BAZ1B: variants seen among roughly 807,000 people sequenced by gnomAD.
The protein encoded by BAZ1B is bromodomain adjacent to zinc finger domain 1B, also known as tyrosine-protein kinase BAZ1B.
BAZ1B carries 22 observed loss-of-function variants against 153.8 expected under a neutral mutation model. The observed-to-expected ratio is 0.14, with a 90% CI of 0.10 to 0.20. BAZ1B has a LOEUF of 0.20. BAZ1B is among the 10% of genes least tolerant of loss of function. BAZ1B has a pLI of 1.00. For synonymous variants in BAZ1B, 676 were observed against 633.4 expected, an observed-to-expected ratio of 1.07 and a Z score of -1.01; for missense variants, 1,325 against 1,799.3, an observed-to-expected ratio of 0.74 and a Z score of 4.77.
At chr7:73,449,968 C>T (rs1787975241) in intron 14 of BAZ1B, among the ~76,000 whole-genome samples, 1 of 152,176 alleles carries the variant, frequency 6.6e-6, no homozygotes, top group African/African-American at 2.4e-5. Context: ...CACAAAAAAC[C>T]CAAGTGAGAG....
intron 4 of BAZ1B, among the ~76,000 whole-genome samples, chr7:73,498,228 G>C (rs186021589): frequency 6.6e-6 from 1 of 152,248 alleles, no homozygotes; most frequent in East Asian, 1.9e-4. Context: ...CCAAAGTGCT[G>C]GGATTACAGG....
Position 73,442,173 on chromosome 7 carries a change from TC to T in BAZ1B, c.*15+7del. 1.0e-5 allele frequency: 6 copies of T among 575,270 alleles called. No individual in the cohort carries two copies. The highest frequency in any genetic ancestry group is 1.2e-5 in the Non-Finnish European group (5 of 403,346). 35.6% of individuals were successfully genotyped at this position (575,270 alleles called of 1,614,324 possible). On this transcript the variant is annotated splice_region_variant and intron_variant, in intron 19 of 19. Transcript: ENST00000339594. ...TCCCTAGCTGTCCCCCCACCTCAGC[TC>T]CCTTACCACGGCCCTGCCTCTCTAC...
At chr7:73,507,371 A>T (rs1467915119) in intron 3 of BAZ1B, 1 of 152,114 alleles carries the variant, frequency 6.6e-6, no homozygotes, top group Non-Finnish European at 1.5e-5. Flanking sequence ...AACATGGTGA[A>T]ATCCCATCTC....
intron 13 of BAZ1B, among the ~76,000 whole-genome samples, chr7:73,452,384 C>T (rs1027111164): frequency 2.6e-5 from 4 of 152,092 alleles, no homozygotes; most frequent in Non-Finnish European, 5.9e-5. Flanking sequence ...CAGAATCACC[C>T]CATCTTACGA....
intron 5 of BAZ1B, 64 bp downstream of exon 5, chr7:73,492,736 A>T: frequency 6.8e-7 from 1 of 1,460,662 alleles, no homozygotes; most frequent in Non-Finnish European, 9.2e-7. Context: ...CTCCAACAAA[A>T]GCAACCCTAT....
At chr7:73,472,989 C>A (rs1390523726) in intron 7 of BAZ1B, among the ~76,000 whole-genome samples, 1 of 151,154 alleles carries the variant, frequency 6.6e-6, no homozygotes, top group Non-Finnish European at 1.5e-5. Context: ...GTCCCCCAGG[C>A]TGGAGTACGG....
At chr7:73,488,132 T>C (rs1554574701) in intron 6 of BAZ1B, among the ~76,000 whole-genome samples, 1 of 152,150 alleles carries the variant, frequency 6.6e-6, no homozygotes, top group Admixed American at 6.5e-5. Flanking sequence ...CAAGAGCCCT[T>C]TTCTGGTTCT....
At chr7:73,462,542 T>C (rs1184340479) in intron 12 of BAZ1B, 2 of 250,796 alleles carry the variant, frequency 8.0e-6, no homozygotes, top group East Asian at 1.3e-4. Context: ...AAATCTGAGC[T>C]GACTGAGTGT....
intron 6 of BAZ1B, among the ~76,000 whole-genome samples, chr7:73,486,636 A>G (rs1789419562): frequency 1.3e-5 from 2 of 152,056 alleles, no homozygotes; most frequent in African/African-American, 4.8e-5. Flanking sequence ...TGCTAAAACT[A>G]TTGCTCAGAA....
At chr7:73,479,073 A>G (rs35695283) in intron 6 of BAZ1B, among the ~76,000 whole-genome samples, 14,061 of 152,224 alleles carry the variant, frequency 0.092, 785 homozygotes, top group Middle Eastern at 0.13. Context: ...GATACTGTTT[A>G]AAGTACTTTT....
intron 5 of BAZ1B, among the ~76,000 whole-genome samples, chr7:73,491,113 C>A (rs1181001409): frequency 1.3e-5 from 2 of 151,736 alleles, no homozygotes; most frequent in Non-Finnish European, 2.9e-5. Context: ...TAGTGAAATC[C>A]CGTATCTACT....
chr7:73,493,797 C>A (rs1462779076), intron 4 of BAZ1B, among the ~76,000 whole-genome samples: 1 of 144,576 alleles, frequency 6.9e-6, no homozygotes, highest in Non-Finnish European at 1.5e-5. Flanking sequence ...CCTGATCTTG[C>A]GACTGCACTC....
In BAZ1B at chr7:73,477,824, T is replaced by C; in HGVS notation, c.1637A>G (p.Tyr546Cys). ...CAGCTCCTCCCGTTTCTTTTTCAAA[T>C]ATTCTTTCCGTTGTTCTTCAGACAT... The part of the protein sequence containing the change: ...ASMSEEQRKE[Y>C]LKKKREELKK... The change falls in exon 7 of 20, where the codon TAT becomes TGT. Residue 546 changes from tyrosine (Y) to cysteine (C), a missense_variant. Physicochemically the swap from Tyr to Cys is radical, Grantham distance 194 (BLOSUM62 -2). Around this residue, in one of 9 missense-constraint regions of BAZ1B, gnomAD observed 154 missense variants for 266.3 expected, o/e 0.58. Coordinates refer to ENST00000339594, the MANE Select transcript of BAZ1B (RefSeq NM_032408.4). This position sits in a 1 kb window ranked among gnomAD's most constrained non-coding sequence, Gnocchi z 5.6. 6.2e-7 allele frequency: 1 copy of C among 1,614,050 alleles called. No individual in the cohort carries two copies.
intron 6 of BAZ1B, among the ~76,000 whole-genome samples, chr7:73,487,580 T>C (rs1236709016): frequency 2.0e-5 from 3 of 152,020 alleles, no homozygotes; most frequent in East Asian, 3.8e-4. Flanking sequence ...AAGAGGAAAA[T>C]ATTAAGGACT....
rs192483465 is a variant in BAZ1B at position 73,473,810 on chromosome 7, A to G, written c.2593+3058T>C. Among the ~76,000 whole-genome samples, 4 of 152,184 alleles carry G rather than the reference A, an allele frequency of 2.6e-5. No homozygotes were observed. In the East Asian group the frequency reaches 7.7e-4, roughly 29 times the overall value. ...CAATACCAGCCTCCACAAATAATAA[A>G]AAGATTAGCCAGGCGTGCTGACACA... On this transcript the variant is annotated intron_variant, in intron 7 of 19. Transcript: ENST00000339594.
intron 15 of BAZ1B, 80 bp downstream of exon 15, chr7:73,449,460 TTC>T: frequency 1.4e-6 from 2 of 1,457,306 alleles, no homozygotes; most frequent in Non-Finnish European, 1.8e-6. Context: ...CTTAGATTCA[TTC>T]TGTTTGAATA....
chr7:73,522,054 G>A lies in BAZ1B; in HGVS notation c.-121C>T, dbSNP rs1246132394. The stretch of plus-strand genomic sequence containing the variant: ...GTGGGGTGGGGGAAGGGAGGGGTGA[G>A]AGGGCGGCGCGAACTCCGGCTCCCT... On this transcript the variant is annotated 5_prime_UTR_variant, in exon 1 of 20. Transcript: ENST00000339594. The A allele has an allele frequency of 3.2e-6, 2 of 629,190 alleles. No individual in the cohort carries two copies. The highest frequency in any genetic ancestry group is 4.4e-5 in the Admixed American group (1 of 22,706). 39.0% of individuals were successfully genotyped at this position (629,190 alleles called of 1,614,324 possible).
intron 13 of BAZ1B, among the ~76,000 whole-genome samples, chr7:73,455,164 C>A (rs548111503): frequency 6.6e-6 from 1 of 151,980 alleles, no homozygotes; most frequent in Non-Finnish European, 1.5e-5. Context: ...GGATTACAGG[C>A]GTGAGCCACC....
At chr7:73,507,716 A>C (rs1372401853) in intron 3 of BAZ1B, among the ~76,000 whole-genome samples, 1 of 152,198 alleles carries the variant, frequency 6.6e-6, no homozygotes, top group Non-Finnish European at 1.5e-5. Context: ...ATTTGGTTCA[A>C]GGCCAAGAGT....
Sources: allele counts gnomAD v4.1 joint callset (sites outside exome capture counted in the v4.1 genomes callset), GRCh38; gene constraint gnomAD v4.1.1; regional missense constraint gnomAD v4.1.1; non-coding constraint Gnocchi (gnomAD v3.1); transcripts MANE v1.5; gene names NCBI Gene and HGNC (gene_info 2026-07-23, HGNC 2026-07-21).